PRR16: variants seen among roughly 807,000 people sequenced by gnomAD.
The protein encoded by PRR16 is proline rich 16, also known as protein Largen.
PRR16 carries 6 observed loss-of-function variants against 18.2 expected under a neutral mutation model. The observed-to-expected ratio is 0.33, with a 90% CI of 0.18 to 0.65. The LOEUF (loss-of-function observed/expected upper bound fraction) is 0.65, where lower values mean the gene tolerates loss of function less well. PRR16 is among the 30% of genes least tolerant of loss of function. The pLI, the probability that PRR16 is intolerant of heterozygous loss-of-function variation, is 0.74. For synonymous variants in PRR16, 151 were observed against 147.8 expected (o/e 1.02, Z -0.16); for missense variants, 412 against 376.6 (o/e 1.09, Z -0.78).
chr5:120,742,151 G>A, the PRR16 span, among the ~76,000 whole-genome samples: 15,855 of 151,712 alleles, frequency 0.1, 1,049 homozygotes, highest in African/African-American at 0.18. Flanking sequence ...TATTTTTACA[G>A]AATACATGGG....
At chr5:120,497,049 A>T (rs10065330) in intron 1 of PRR16, among the ~76,000 whole-genome samples, 14 of 152,046 alleles carry the variant, frequency 9.2e-5, no homozygotes, top group African/African-American at 3.4e-4. Context: ...ATTTGATTCT[A>T]TTGAAGTAAG....
chr5:120,663,445 C>A (rs373204900), intron 1 of PRR16, among the ~76,000 whole-genome samples: 18 of 128,504 alleles, frequency 1.4e-4, no homozygotes, highest in East Asian at 4.6e-4. Flanking sequence ...GAACAGGATA[C>A]AAAAAGTAAA....
At chr5:120,492,454 G>A (rs1217431871) in intron 1 of PRR16, among the ~76,000 whole-genome samples, 2 of 151,974 alleles carry the variant, frequency 1.3e-5, no homozygotes, top group Non-Finnish European at 2.9e-5. Context: ...GTTTTCCAAG[G>A]ATAATTTTTG....
At chr5:120,674,313 C>T (rs1472014278) in intron 1 of PRR16, among the ~76,000 whole-genome samples, 1 of 152,160 alleles carries the variant, frequency 6.6e-6, no homozygotes, top group Non-Finnish European at 1.5e-5. Context: ...CTATGCATCT[C>T]TTCTTTCTCG....
the PRR16 span, among the ~76,000 whole-genome samples, chr5:120,735,065 TC>T: frequency 6.6e-6 from 1 of 152,334 alleles, no homozygotes; most frequent in East Asian, 1.9e-4. Flanking sequence ...ACTTTCTGTT[TC>T]TATGAATTTA....
At chr5:120,514,298 C>G (rs937218010) in intron 1 of PRR16, among the ~76,000 whole-genome samples, 3 of 152,064 alleles carry the variant, frequency 2.0e-5, no homozygotes, top group Non-Finnish European at 4.4e-5. Context: ...TGTCATTCTT[C>G]CATTGTCTTG....
intron 1 of PRR16, among the ~76,000 whole-genome samples, chr5:120,634,001 G>C (rs1561584851): frequency 6.6e-6 from 1 of 152,078 alleles, no homozygotes; most frequent in Non-Finnish European, 1.5e-5. Context: ...CTATTCATTA[G>C]CACATGGAAC....
intron 1 of PRR16, among the ~76,000 whole-genome samples, chr5:120,558,485 T>C (rs576738185): frequency 1.3e-5 from 2 of 151,842 alleles, no homozygotes; most frequent in Non-Finnish European, 2.9e-5. Context: ...GATGTCATTA[T>C]TTTTTGTGAT....
At chr5:120,607,898 A>C (rs1325779109) in intron 1 of PRR16, among the ~76,000 whole-genome samples, 1 of 152,152 alleles carries the variant, frequency 6.6e-6, no homozygotes, top group African/African-American at 2.4e-5. Flanking sequence ...CTTGTAAATA[A>C]AGAAATAAAT....
intron 1 of PRR16, among the ~76,000 whole-genome samples, chr5:120,676,317 A>G (rs1300993794): frequency 6.6e-6 from 1 of 152,156 alleles, no homozygotes; most frequent in Non-Finnish European, 1.5e-5. Context: ...TCTCCTTAAA[A>G]AAGAGTAGTT....
At chr5:120,752,807 G>A in the PRR16 span, among the ~76,000 whole-genome samples, 1 of 152,018 alleles carries the variant, frequency 6.6e-6, no homozygotes, top group African/African-American at 2.4e-5. Flanking sequence ...AGCTTAGTCA[G>A]TGGAAAGCAG....
At chr5:120,700,945 T>G in the PRR16 span, among the ~76,000 whole-genome samples, 2 of 151,926 alleles carry the variant, frequency 1.3e-5, no homozygotes, top group South Asian at 4.2e-4. Context: ...GCCAGGTGAG[T>G]TGAACAGTCC....
intron 1 of PRR16, among the ~76,000 whole-genome samples, chr5:120,555,527 G>A (rs761329256): frequency 2.0e-4 from 31 of 151,366 alleles, no homozygotes; most frequent in Non-Finnish European, 2.7e-4. Context: ...GTGTGTGTGG[G>A]AGAGATAGAG....
chr5:120,744,059 C>T, the PRR16 span, among the ~76,000 whole-genome samples: 32 of 152,068 alleles, frequency 2.1e-4, 1 homozygote, highest in South Asian at 6.2e-3. Context: ...AATGGACTCA[C>T]TGTACAATGT....
At chr5:120,699,732 A>G in the PRR16 span, among the ~76,000 whole-genome samples, 1 of 152,188 alleles carries the variant, frequency 6.6e-6, no homozygotes, top group African/African-American at 2.4e-5. Context: ...CAGAAAGGCT[A>G]CAGGGTGTGG....
At chr5:120,789,739 G>A in the PRR16 span, among the ~76,000 whole-genome samples, 5 of 152,006 alleles carry the variant, frequency 3.3e-5, no homozygotes, top group African/African-American at 9.6e-5. Flanking sequence ...CTTAAATTTT[G>A]ATAACTAAGT....
chr5:120,629,391 G>T lies in PRR16; in HGVS notation c.160-56563G>T, dbSNP rs140658725. 7.8e-3 allele frequency among the ~76,000 whole-genome samples: 1,184 copies of T among 152,180 alleles called. 8 individuals are homozygous for T. The highest frequency in any genetic ancestry group is 0.027 in the African/African-American group (1,130 of 41,542). ...GGTAATTTTGACATGATTTCTGCAA[G>T]TGATTTCTGAGCATTATTTCTAAAT... On this transcript the variant is annotated intron_variant, in intron 1 of 1. Transcript: ENST00000407149.
intron 1 of PRR16, among the ~76,000 whole-genome samples, chr5:120,648,851 A>G (rs1370407069): frequency 2.0e-5 from 3 of 152,102 alleles, no homozygotes; most frequent in Admixed American, 1.3e-4. Flanking sequence ...TACAAACTTG[A>G]TGTCACTGAA....
At chr5:120,518,126 C>G (rs1412257940) in intron 1 of PRR16, among the ~76,000 whole-genome samples, 1 of 152,066 alleles carries the variant, frequency 6.6e-6, no homozygotes, top group African/African-American at 2.4e-5. Context: ...TTACGTCAAT[C>G]TTTTTTATCT....
Sources: allele counts gnomAD v4.1 joint callset (sites outside exome capture counted in the v4.1 genomes callset), GRCh38; gene constraint gnomAD v4.1.1; transcripts MANE v1.5; gene names NCBI Gene and HGNC (gene_info 2026-07-23, HGNC 2026-07-21).